KLHL1: variants seen among roughly 807,000 people sequenced by gnomAD.
The protein encoded by KLHL1 is kelch-like protein 1.
A neutral mutation model predicts 77.7 loss-of-function variants in KLHL1; 47 were observed. The ratio of observed to expected loss-of-function variants is 0.60; its 90% CI spans 0.48 to 0.77. The LOEUF is 0.77. KLHL1 is among the 30% of genes least tolerant of loss of function. The pLI is 0.00. For synonymous variants in KLHL1, 360 were observed against 325.2 expected, an observed-to-expected ratio of 1.11 and a Z score of -1.15; for missense variants, 925 against 910.8, an observed-to-expected ratio of 1.02 and a Z score of -0.20.
At chr13:69,721,398 C>T (rs1873058028) in intron 8 of KLHL1, among the ~76,000 whole-genome samples, 3 of 151,504 alleles carry the variant, frequency 2.0e-5, no homozygotes, top group Non-Finnish European at 4.4e-5. Context: ...ATTGTCAGGT[C>T]TCCCGAGGCT....
chr13:69,927,702 T>C (rs1882861682), intron 4 of KLHL1, among the ~76,000 whole-genome samples: 1 of 152,116 alleles, frequency 6.6e-6, no homozygotes, highest in Non-Finnish European at 1.5e-5. Context: ...AACCACGAAA[T>C]ACTATTTTAC....
intron 1 of KLHL1, among the ~76,000 whole-genome samples, chr13:69,988,410 T>A (rs1884934190): frequency 6.6e-6 from 1 of 152,136 alleles, no homozygotes; most frequent in Admixed American, 6.6e-5. Context: ...TTGTGAATAG[T>A]GCTGCAATAA....
intron 3 of KLHL1, among the ~76,000 whole-genome samples, chr13:69,955,109 T>C (rs1883827253): frequency 6.6e-6 from 1 of 151,208 alleles, no homozygotes; most frequent in Non-Finnish European, 1.5e-5. Flanking sequence ...AATAATGTAC[T>C]AATGTGCTTG....
intron 4 of KLHL1, among the ~76,000 whole-genome samples, chr13:69,928,385 T>C (rs560242856): frequency 1.3e-5 from 2 of 152,254 alleles, no homozygotes. Context: ...TCTTCTCATA[T>C]GTCAGCCGTA....
intron 6 of KLHL1, among the ~76,000 whole-genome samples, chr13:69,810,172 A>G (rs1194482421): frequency 6.6e-6 from 1 of 152,158 alleles, no homozygotes; most frequent in Non-Finnish European, 1.5e-5. Flanking sequence ...ACTTAAATTC[A>G]GCACTTGAAC....
chr13:69,956,989 T>C (rs1052343390), intron 3 of KLHL1, among the ~76,000 whole-genome samples: 1 of 151,680 alleles, frequency 6.6e-6, no homozygotes, highest in African/African-American at 2.4e-5. Flanking sequence ...TGATAAGATA[T>C]TGTATGACCT....
At chr13:70,067,988 C>G (rs977148904) in intron 1 of KLHL1, among the ~76,000 whole-genome samples, 11 of 150,098 alleles carry the variant, frequency 7.3e-5, no homozygotes, top group Admixed American at 7.3e-4. Context: ...TGTTTCTTTT[C>G]AAATGTTTAT....
chr13:69,735,607 A>C (rs1873733220), intron 8 of KLHL1, among the ~76,000 whole-genome samples: 1 of 150,362 alleles, frequency 6.7e-6, no homozygotes. Flanking sequence ...ATATAAATAA[A>C]CATGAATAAC....
intron 4 of KLHL1, among the ~76,000 whole-genome samples, chr13:69,934,062 C>T (rs1372700779): frequency 6.6e-6 from 1 of 152,020 alleles, no homozygotes. Context: ...TTTAACAATC[C>T]TGAATCACAG....
At chr13:70,006,518 CAA>C (rs1885410479) in intron 1 of KLHL1, among the ~76,000 whole-genome samples, 1 of 73,698 alleles carries the variant, frequency 1.4e-5, no homozygotes, top group South Asian at 4.2e-4. Flanking sequence ...TTTTTTTTTT[CAA>C]AGAGTTTGAG....
In KLHL1 at chr13:69,968,601, T is replaced by C. The variant is rs574373507; in HGVS notation, c.680+7019A>G. On this transcript the variant is annotated intron_variant, in intron 2 of 10. Coordinates refer to ENST00000377844, the MANE Select transcript of KLHL1 (RefSeq NM_020866.3). ...AATTATTTGTTTTAAACATAAAATA[T>C]ATGAATTCTTATTTGTGTTTGTGCA... Among the ~76,000 whole-genome samples the C allele has an allele frequency of 3.3e-5, 5 of 151,836 alleles. No individual in the cohort carries two copies. In the East Asian group the frequency reaches 9.7e-4, roughly 29 times the overall value.
chr13:69,895,014 G>T (rs1482473905), intron 4 of KLHL1: 1 of 507,840 alleles, frequency 2.0e-6, no homozygotes, highest in Non-Finnish European at 3.9e-6. Context: ...TGGTATGATT[G>T]TCATCAATGA....
At chr13:69,795,464 T>C (rs1166797509) in intron 7 of KLHL1, among the ~76,000 whole-genome samples, 8 of 152,212 alleles carry the variant, frequency 5.3e-5, no homozygotes. Flanking sequence ...AAGCACTTAG[T>C]CAATTTGCTG....
At chr13:70,013,276 A>G (rs952107839) in intron 1 of KLHL1, among the ~76,000 whole-genome samples, 1 of 152,200 alleles carries the variant, frequency 6.6e-6, no homozygotes, top group African/African-American at 2.4e-5. Flanking sequence ...AAACACTTCC[A>G]ACAAAAAAGA....
chr13:69,868,501 T>C (rs937820855), intron 5 of KLHL1, among the ~76,000 whole-genome samples: 2 of 152,126 alleles, frequency 1.3e-5, no homozygotes, highest in African/African-American at 4.8e-5. Flanking sequence ...GAAACATTTA[T>C]GGATTATTAA....
chr13:69,707,689 T>G lies in KLHL1; in HGVS notation c.2123A>C (p.Tyr708Ser), dbSNP rs1270827292. The G allele has an allele frequency of 6.2e-7, 1 of 1,612,716 alleles. No individual in the cohort carries two copies. The highest frequency in any genetic ancestry group is 1.1e-5 in the South Asian group (1 of 91,048). ...AGTGTTGAGGTATGTCTGTCCATCATAGCCACCAACAGCATATAATCTGTC... is the reference window on the plus strand; with the variant it reads ...AGTGTTGAGGTATGTCTGTCCATCAGAGCCACCAACAGCATATAATCTGTC... The part of the protein sequence containing the change: ...LGDRLYAVGG[Y>S]DGQTYLNTME... The change falls in exon 10 of 11, where the codon TAT (tyrosine) becomes TCT (serine). Residue 708 changes from tyrosine (Y) to serine (S), a missense_variant. Transcript: ENST00000377844.
chr13:69,895,229 T>C, intron 4 of KLHL1: 3 of 518,836 alleles, frequency 5.8e-6, no homozygotes, highest in Non-Finnish European at 1.2e-5. Flanking sequence ...TGCAGTTTGC[T>C]GGCAGCATCT....
chr13:69,868,441 GA>G (rs1156398457), intron 5 of KLHL1, among the ~76,000 whole-genome samples: 2 of 151,938 alleles, frequency 1.3e-5, no homozygotes, highest in African/African-American at 4.8e-5. Flanking sequence ...TGGTGATAAT[GA>G]ATGTTAAGAG....
chr13:69,908,662 AC>A (rs920376670), intron 4 of KLHL1, among the ~76,000 whole-genome samples: 45 of 151,600 alleles, frequency 3.0e-4, no homozygotes, highest in African/African-American at 9.9e-4. Context: ...ACAATTATTG[AC>A]CAAAAATAAT....
Sources: allele counts gnomAD v4.1 joint callset (sites outside exome capture counted in the v4.1 genomes callset), GRCh38; gene constraint gnomAD v4.1.1; transcripts MANE v1.5; gene names NCBI Gene and HGNC (gene_info 2026-07-23, HGNC 2026-07-21).